IGF2BP2: variants seen among roughly 807,000 people sequenced by gnomAD.
IGF2BP2 encodes the protein insulin-like growth factor 2 mRNA-binding protein 2.
Under a neutral mutation model 75.8 loss-of-function variants are expected in IGF2BP2, and 17 were observed. The ratio of observed to expected loss-of-function variants is 0.22; its 90% CI spans 0.15 to 0.34. IGF2BP2 has a LOEUF of 0.34. IGF2BP2 is among the 10% of genes least tolerant of loss of function. The pLI is 1.00. For missense variants in IGF2BP2, 516 were observed against 772.4 expected (o/e 0.67, Z 3.93); for synonymous variants, 288 against 295.6 (o/e 0.97, Z 0.26).
chr3:185,804,440 A>AG lies in IGF2BP2; in HGVS notation c.239+18712_239+18713insC, dbSNP rs201845437. ...AGAGCGAGACTTTGTCTCAAACAAA[A>AG]AAAAAACAAAAAAACACAGATTTCA... On this transcript the variant is annotated intron_variant, in intron 2 of 15. Transcript: ENST00000382199. Among the ~76,000 whole-genome samples the AG allele has an allele frequency of 5.6e-3, 844 of 151,886 alleles. 5 individuals carry two copies. The highest frequency in any genetic ancestry group is 0.019 in the African/African-American group (800 of 41,402).
At chr3:185,654,519 ACT>A (rs1463907088) in intron 12 of IGF2BP2, among the ~76,000 whole-genome samples, 1 of 152,192 alleles carries the variant, frequency 6.6e-6, no homozygotes, top group Non-Finnish European at 1.5e-5. Context: ...ATCACCGTCC[ACT>A]TCGTAATGAC....
intron 2 of IGF2BP2, among the ~76,000 whole-genome samples, chr3:185,809,914 T>G (rs1739570231): frequency 6.6e-6 from 1 of 152,152 alleles, no homozygotes; most frequent in African/African-American, 2.4e-5. Flanking sequence ...GACCCAGCTC[T>G]CATGGAACTT....
chr3:185,666,055 T>C (rs572241632), intron 10 of IGF2BP2, among the ~76,000 whole-genome samples: 9 of 138,294 alleles, frequency 6.5e-5, no homozygotes, highest in African/African-American at 2.1e-4. Context: ...GATAGATAGA[T>C]AGAGGAACTA....
chr3:185,759,534 C>T (rs116406136), intron 2 of IGF2BP2, among the ~76,000 whole-genome samples: 3 of 152,290 alleles, frequency 2.0e-5, no homozygotes, highest in East Asian at 1.9e-4. Context: ...GGCGAAACTA[C>T]GCTTAAGAGG....
At chr3:185,682,778 A>G (rs887258845) in intron 7 of IGF2BP2, among the ~76,000 whole-genome samples, 1 of 152,244 alleles carries the variant, frequency 6.6e-6, no homozygotes. Context: ...TGTTATCGAA[A>G]TAACAGAAAA....
intron 2 of IGF2BP2, among the ~76,000 whole-genome samples, chr3:185,821,670 T>C (rs1741395573): frequency 6.6e-6 from 1 of 152,014 alleles, no homozygotes; most frequent in East Asian, 1.9e-4. Flanking sequence ...CCCCCAAAAG[T>C]ATTCACAACC....
chr3:185,709,570 G>A (rs762312184), intron 2 of IGF2BP2, among the ~76,000 whole-genome samples: 7 of 152,236 alleles, frequency 4.6e-5, no homozygotes, highest in Non-Finnish European at 8.8e-5. Context: ...GTGTTAAAGT[G>A]ACAGCAGTTT....
At chr3:185,823,248 C>T (rs1490470160) in intron 1 of IGF2BP2, 35 bp from the exon 2 acceptor site, 2 of 1,555,786 alleles carry the variant, frequency 1.3e-6, no homozygotes, top group Non-Finnish European at 1.8e-6. Context: ...CAGAACCTTG[C>T]TTAGATCAAG....
chr3:185,673,088 G>C (rs556109163), intron 9 of IGF2BP2, among the ~76,000 whole-genome samples: 15 of 152,294 alleles, frequency 9.8e-5, no homozygotes, highest in Admixed American at 7.2e-4. Flanking sequence ...TTTCACCTGA[G>C]CATAGATTAC....
intron 2 of IGF2BP2, chr3:185,728,798 C>T (rs1167315982): frequency 6.6e-6 from 1 of 152,218 alleles, no homozygotes; most frequent in Non-Finnish European, 1.5e-5. Context: ...TGCTCTTAAC[C>T]ACTACGCCAC....
At position 185,751,534 on chromosome 3, in the gene IGF2BP2, G is replaced by A. The variant is rs1333890323; in HGVS notation, c.240-53187C>T. Among the ~76,000 whole-genome samples the A allele has an allele frequency of 6.9e-5, 10 of 144,986 alleles. No homozygotes were observed. The East Asian group carries it at 1.2e-3, about 17-fold the overall frequency. On this transcript the variant is annotated intron_variant, in intron 2 of 15. Transcript: ENST00000382199. ...TGCTGAGGCAGGAGAATTGCTACTA[G>A]TATTCTCCTGCTGAGGCAGGAGAAT...
chr3:185,738,385 A>G (rs1302095959), intron 2 of IGF2BP2, among the ~76,000 whole-genome samples: 1 of 152,234 alleles, frequency 6.6e-6, no homozygotes, highest in Non-Finnish European at 1.5e-5. Flanking sequence ...CTGTGGGCAG[A>G]GGTCCTTCCT....
intron 2 of IGF2BP2, among the ~76,000 whole-genome samples, chr3:185,739,831 T>A (rs1249198615): frequency 6.7e-6 from 1 of 148,764 alleles, no homozygotes; most frequent in African/African-American, 2.5e-5. Context: ...TCAAATTATG[T>A]CCTTTTTTTC....
chr3:185,665,882 G>A (rs1451039338), intron 10 of IGF2BP2, among the ~76,000 whole-genome samples: 7 of 152,100 alleles, frequency 4.6e-5, no homozygotes, highest in South Asian at 2.1e-4. Context: ...CATGAGAATC[G>A]CTTGAACCTG....
chr3:185,816,975 T>A (rs1740697430), intron 2 of IGF2BP2, among the ~76,000 whole-genome samples: 1 of 152,232 alleles, frequency 6.6e-6, no homozygotes. Context: ...ACTGAAAATA[T>A]AATTCTTATT....
intron 7 of IGF2BP2, among the ~76,000 whole-genome samples, chr3:185,685,213 T>C (rs1397638860): frequency 1.3e-5 from 2 of 151,930 alleles, no homozygotes; most frequent in African/African-American, 4.8e-5. Flanking sequence ...CCAGATGTGG[T>C]GGCAGGCACC....
At chr3:185,693,647 T>C (rs1267239463) in intron 4 of IGF2BP2, among the ~76,000 whole-genome samples, 1 of 152,150 alleles carries the variant, frequency 6.6e-6, no homozygotes, top group Non-Finnish European at 1.5e-5. Flanking sequence ...AAATTAAAAA[T>C]AAATTCAAAT....
At chr3:185,772,452 T>G (rs13073992) in intron 2 of IGF2BP2, among the ~76,000 whole-genome samples, 44,634 of 151,920 alleles carry the variant, frequency 0.29, 6,919 homozygotes, top group African/African-American at 0.4. Context: ...AAGATTCTCA[T>G]CTCTCCTTCA....
intron 2 of IGF2BP2, 63 bp downstream of exon 2, chr3:185,823,090 T>G: frequency 1.9e-6 from 2 of 1,076,340 alleles, no homozygotes; most frequent in Non-Finnish European, 2.7e-6. Flanking sequence ...TAAAGCTGTG[T>G]GTACGTTTTT....
Sources: gnomAD v4.1 joint callset for allele counts (sites outside exome capture counted in the v4.1 genomes callset) on GRCh38, gnomAD v4.1.1 for gene constraint, MANE v1.5 for transcripts, NCBI Gene and HGNC (gene_info 2026-07-23, HGNC 2026-07-21) for gene names.